The following AGBL1 variants were observed in gnomAD, a reference collection of about 807,000 sequenced individuals.
The protein encoded by AGBL1 is AGBL carboxypeptidase 1.
Under a neutral mutation model 118.9 loss-of-function variants are expected in AGBL1, and 130 were observed. The observed-to-expected ratio is 1.09, with a 90% CI of 0.95 to 1.26. AGBL1 has a LOEUF of 1.26. Among genes scored for constraint, AGBL1 ranks in the 50% most tolerant of loss-of-function variants. The probability of loss-of-function intolerance (pLI) is 0.00; values close to 1 mark genes in which losing one functional copy is unlikely to be tolerated. For synonymous variants in AGBL1, 555 were observed against 478.9 expected, an observed-to-expected ratio of 1.16 and a Z score of -2.08; for missense variants, 1,584 against 1,298.1, an observed-to-expected ratio of 1.22 and a Z score of -3.38.
At chr15:86,853,360 T>C (rs1596552803) in intron 22 of AGBL1, among the ~76,000 whole-genome samples, 2 of 152,216 alleles carry the variant, frequency 1.3e-5, no homozygotes, top group African/African-American at 4.8e-5. Flanking sequence ...GCTAATTACC[T>C]TATTTTTTAT....
At chr15:86,344,232 G>A (rs776310863) in intron 17 of AGBL1, among the ~76,000 whole-genome samples, 12 of 152,320 alleles carry the variant, frequency 7.9e-5, no homozygotes, top group South Asian at 4.1e-4. Flanking sequence ...TAGAACCACT[G>A]TTATTGTCAC....
intron 9 of AGBL1, among the ~76,000 whole-genome samples, chr15:86,261,125 A>G (rs76316439): frequency 6.6e-6 from 1 of 152,322 alleles, no homozygotes; most frequent in African/African-American, 2.4e-5. Flanking sequence ...CCCCTGCTCT[A>G]AGGCTAAGTG....
intron 1 of AGBL1, among the ~76,000 whole-genome samples, chr15:86,125,943 A>G (rs1196876586): frequency 1.3e-5 from 2 of 152,170 alleles, no homozygotes; most frequent in Admixed American, 6.5e-5. Context: ...TGTCCTCTTT[A>G]TGGGTTATGT....
intron 17 of AGBL1, among the ~76,000 whole-genome samples, chr15:86,369,886 A>C (rs926089786): frequency 2.6e-5 from 4 of 152,206 alleles, no homozygotes; most frequent in African/African-American, 9.6e-5. Flanking sequence ...ACAAACCTAT[A>C]AAATGGATGA....
intron 22 of AGBL1, among the ~76,000 whole-genome samples, chr15:86,691,361 TTC>T (rs1491090805): frequency 6.6e-6 from 1 of 152,178 alleles, no homozygotes; most frequent in African/African-American, 2.4e-5. Context: ...TTTTTAAATC[TTC>T]CAACTTGTGA....
chr15:86,607,930 A>G (rs773815937), intron 21 of AGBL1, among the ~76,000 whole-genome samples: 1 of 152,174 alleles, frequency 6.6e-6, no homozygotes, highest in East Asian at 1.9e-4. Context: ...TTTATGAATT[A>G]TTATTTTATT....
At chr15:86,509,573 A>G (rs947755719) in intron 18 of AGBL1, among the ~76,000 whole-genome samples, 5 of 152,142 alleles carry the variant, frequency 3.3e-5, no homozygotes, top group Admixed American at 2.0e-4. Context: ...TGGAGGAGAA[A>G]CATTACGATA....
intron 22 of AGBL1, among the ~76,000 whole-genome samples, chr15:86,828,970 T>TTA (rs1400487046): frequency 6.8e-6 from 1 of 147,880 alleles, no homozygotes; most frequent in Admixed American, 6.8e-5. Flanking sequence ...ATAATAAATA[T>TTA]TATATATATA....
Position 86,760,051 on chromosome 15 carries a change from G to A in AGBL1, c.3158+85615G>A, listed in dbSNP as rs76983103. On this transcript the variant is annotated intron_variant, in intron 22 of 22. Coordinates refer to ENST00000614907, the MANE Select transcript of AGBL1 (RefSeq NM_001386094.1). The stretch of plus-strand genomic sequence containing the variant: ...TCTGGGACAAGGTAATGACTTCTAT[G>A]AAGTAATGATTTTGCCATCATAAAT... 2.0e-3 allele frequency among the ~76,000 whole-genome samples: 304 copies of A among 152,182 alleles called. 1 individual carries two copies. Among genetic ancestry groups the A allele is most frequent in the African/African-American group, 7.1e-3 (293 of 41,550 alleles).
At chr15:86,631,864 T>G (rs527427208) in intron 21 of AGBL1, among the ~76,000 whole-genome samples, 1 of 152,270 alleles carries the variant, frequency 6.6e-6, no homozygotes, top group East Asian at 1.9e-4. Flanking sequence ...TCTGTTCTCA[T>G]TGGGTTCCCT....
intron 18 of AGBL1, among the ~76,000 whole-genome samples, chr15:86,426,381 T>C (rs2081866798): frequency 6.6e-6 from 1 of 152,206 alleles, no homozygotes; most frequent in African/African-American, 2.4e-5. Context: ...GTCTGTCAAA[T>C]GATTTTACAT....
intron 21 of AGBL1, chr15:86,556,405 G>C: frequency 1.2e-6 from 1 of 807,256 alleles, no homozygotes; most frequent in Non-Finnish European, 2.0e-6. Context: ...ACCTGGTTTT[G>C]GTTTAAGAAT....
chr15:86,568,256 A>G, intron 21 of AGBL1, among the ~76,000 whole-genome samples: 1 of 152,154 alleles, frequency 6.6e-6, no homozygotes, highest in Middle Eastern at 3.2e-3. Context: ...CAAGAGTTTA[A>G]GAACAGATAT....
intron 18 of AGBL1, among the ~76,000 whole-genome samples, chr15:86,473,489 A>C (rs9672353): frequency 0.016 from 2,467 of 152,282 alleles, 71 homozygotes; most frequent in African/African-American, 0.054. Flanking sequence ...AATAACTGTT[A>C]ATATTTTAGG....
chr15:86,198,226 A>G (rs891704767), intron 5 of AGBL1, among the ~76,000 whole-genome samples: 1 of 152,334 alleles, frequency 6.6e-6, no homozygotes, highest in African/African-American at 2.4e-5. Flanking sequence ...TGCCTGTCTT[A>G]TACCTGTCCT....
Position 86,271,793 on chromosome 15 carries a change from C to G in AGBL1, c.2075+87C>G, listed in dbSNP as rs750389508. On this transcript the variant is annotated intron_variant, in intron 15 of 22. Transcript: ENST00000614907. Reference sequence around the variant, plus strand: ...TTTTCCATATTGATCTTATAAACATCAGCAATCTGTGCTTGTCTGCTAAAC... The same window carrying G: ...TTTTCCATATTGATCTTATAAACATGAGCAATCTGTGCTTGTCTGCTAAAC... 5 of 1,264,478 alleles carry G rather than the reference C, an allele frequency of 4.0e-6. No homozygotes were observed. In the Admixed American group the frequency reaches 7.0e-5, roughly 18 times the overall value. The allele number at this position is 1,264,478 out of a possible 1,614,324, so 78.3% of individuals were successfully genotyped here. A position where few individuals can be genotyped will look rare whatever the true frequency, so the allele number is the denominator to read the frequency against.
Position 86,258,040 on chromosome 15 carries a change from A to G in AGBL1, c.969+9A>G. 1 of 1,612,826 alleles carries G rather than the reference A, an allele frequency of 6.2e-7. No individual in the cohort carries two copies. Among genetic ancestry groups the G allele is most frequent in the Non-Finnish European group, 8.5e-7 (1 of 1,179,364 alleles). On this transcript the variant is annotated intron_variant, in intron 9 of 22. Coordinates refer to ENST00000614907, the MANE Select transcript of AGBL1 (RefSeq NM_001386094.1). ...AAGATGGGAAAGTGGAAGTAGGTAC[A>G]CCAGCCCATGCTTCTAATGATGTCC...
At chr15:86,464,836 G>A (rs1346291887) in intron 18 of AGBL1, among the ~76,000 whole-genome samples, 1 of 151,976 alleles carries the variant, frequency 6.6e-6, no homozygotes, top group African/African-American at 2.4e-5. Context: ...GCTGGATTCA[G>A]TTTGCCAGTA....
chr15:86,970,830 C>G (rs1311680924), intron 23 of AGBL1, among the ~76,000 whole-genome samples: 1 of 151,922 alleles, frequency 6.6e-6, no homozygotes, highest in African/African-American at 2.4e-5. Flanking sequence ...TATGGGTCCT[C>G]CATCTACAGA....
Sources: gnomAD v4.1 joint callset for allele counts (sites outside exome capture counted in the v4.1 genomes callset) on GRCh38, gnomAD v4.1.1 for gene constraint, MANE v1.5 for transcripts, NCBI Gene and HGNC (gene_info 2026-07-23, HGNC 2026-07-21) for gene names.